The following SKIC8 variants were observed in gnomAD, a reference collection of about 807,000 sequenced individuals.
SKIC8 encodes the protein SKI8 subunit of superkiller complex.
At chr15:78,292,867 A>T in the SKIC8 span, 1 of 1,480,062 alleles carries the variant, frequency 6.8e-7, no homozygotes, top group African/African-American at 1.4e-5. Context: ...GGTCCCTGTG[A>T]CTATGCAATA....
At chr15:78,295,537 G>A in the SKIC8 span, 3 of 1,107,942 alleles carry the variant, frequency 2.7e-6, no homozygotes, top group Non-Finnish European at 4.1e-6. Flanking sequence ...TGGTGACTAG[G>A]TACCCAGGGT....
chr15:78,293,298 A>G, the SKIC8 span: 6 of 1,601,004 alleles, frequency 3.7e-6, no homozygotes, highest in East Asian at 2.2e-5. Flanking sequence ...CTTCATTTAT[A>G]AAGTCTTCTT....
the SKIC8 span, among the ~76,000 whole-genome samples, chr15:78,287,145 G>A: frequency 6.6e-6 from 1 of 152,110 alleles, no homozygotes; most frequent in Non-Finnish European, 1.5e-5. Context: ...TGCAAAATGG[G>A]GACACTAATC....
the SKIC8 span, chr15:78,288,425 C>T: frequency 5.7e-6 from 9 of 1,587,474 alleles, no homozygotes; most frequent in Non-Finnish European, 5.2e-6. Context: ...GAACCACTGC[C>T]TCCTCACTCA....
chr15:78,284,458 T>G, the SKIC8 span: 2 of 152,206 alleles, frequency 1.3e-5, no homozygotes, highest in African/African-American at 4.8e-5. Flanking sequence ...ATATTTAAAA[T>G]ATATTAAAAG....
the SKIC8 span, chr15:78,289,544 G>T: frequency 2.6e-6 from 3 of 1,169,608 alleles, no homozygotes; most frequent in South Asian, 1.4e-5. Flanking sequence ...CCATTTAATG[G>T]CATTTCAATG....
the SKIC8 span, among the ~76,000 whole-genome samples, chr15:78,287,743 C>T: frequency 7.5e-4 from 114 of 152,230 alleles, 2 homozygotes; most frequent in South Asian, 3.9e-3. Flanking sequence ...CATAGGGGTC[C>T]GCACAGATTT....
At chr15:78,293,425 G>A in the SKIC8 span, 2 of 683,218 alleles carry the variant, frequency 2.9e-6, no homozygotes, top group Admixed American at 6.0e-5. Context: ...AAATTTTGGG[G>A]CCACATATGA....
the SKIC8 span, chr15:78,285,076 A>G: frequency 5.0e-6 from 3 of 594,480 alleles, no homozygotes; most frequent in Non-Finnish European, 9.0e-6. Context: ...AGCACATCCC[A>G]GCCTCTGCAC....
chr15:78,294,818 GCTGCCAATTCTT>G, the SKIC8 span: 1 of 972,658 alleles, frequency 1.0e-6, no homozygotes, highest in Non-Finnish European at 1.6e-6. Flanking sequence ...TTTGTTTTCA[GCTGCCAATTCTT>G]CTGCAAAGTG....
the SKIC8 span, chr15:78,292,879 C>A: frequency 1.4e-6 from 2 of 1,404,992 alleles, no homozygotes; most frequent in African/African-American, 1.4e-5. Context: ...TATGCAATAC[C>A]AATGGTCTAT....
chr15:78,295,029 T>C, the SKIC8 span: 84 of 1,608,948 alleles, frequency 5.2e-5, no homozygotes, highest in African/African-American at 9.9e-4. Context: ...ATGTCTCACA[T>C]TGCCTCCAGA....
chr15:78,285,012 A>C, the SKIC8 span: 1 of 487,618 alleles, frequency 2.1e-6, no homozygotes, highest in South Asian at 3.4e-5. Context: ...TGTGGGGCTA[A>C]CACCATGTTT....
chr15:78,288,394 A>G, the SKIC8 span: 3 of 1,612,908 alleles, frequency 1.9e-6, no homozygotes, highest in Non-Finnish European at 2.5e-6. Context: ...TGAAATTCAT[A>G]AAGGCCCTTG....
chr15:78,294,082 A>G, the SKIC8 span, among the ~76,000 whole-genome samples: 3 of 152,204 alleles, frequency 2.0e-5, no homozygotes, highest in Non-Finnish European at 4.4e-5. Context: ...CACCACAGAC[A>G]GCGTTGTGGC....
At chr15:78,290,112 A>C in the SKIC8 span, 2 of 1,604,434 alleles carry the variant, frequency 1.2e-6, no homozygotes, top group Non-Finnish European at 1.7e-6. Context: ...GAACAGAAAA[A>C]AGAAGGACAA....
the SKIC8 span, chr15:78,292,200 T>C: frequency 1.6e-5 from 3 of 182,472 alleles, no homozygotes; most frequent in African/African-American, 4.8e-5. Flanking sequence ...AGGCAGTGAA[T>C]GAATCAGTTC....
the SKIC8 span, among the ~76,000 whole-genome samples, chr15:78,297,280 C>T: frequency 6.6e-6 from 1 of 152,174 alleles, no homozygotes; most frequent in African/African-American, 2.4e-5. Flanking sequence ...GCAGTGTCAC[C>T]TTGTTTGACT....
the SKIC8 span, chr15:78,283,730 CAA>C: frequency 0.087 from 27,098 of 312,746 alleles, 108 homozygotes; most frequent in Middle Eastern, 0.11. Flanking sequence ...TCCCATACTC[CAA>C]AAAAAAAAAA....
Sources: allele counts gnomAD v4.1 joint callset (sites outside exome capture counted in the v4.1 genomes callset), GRCh38; gene constraint gnomAD v4.1.1; transcripts MANE v1.5; gene names NCBI Gene and HGNC (gene_info 2026-07-23, HGNC 2026-07-21).